The following PDSS2 variants were observed in gnomAD, a reference collection of about 807,000 sequenced individuals.
PDSS2 encodes the protein all trans-polyprenyl-diphosphate synthase PDSS2.
A neutral mutation model predicts 44.5 loss-of-function variants in PDSS2; 31 were observed. The observed-to-expected ratio is 0.70, with a 90% confidence interval of 0.52 to 0.94. PDSS2 has a LOEUF of 0.94. PDSS2 is among the 40% of genes least tolerant of loss of function. The pLI, the probability that PDSS2 is intolerant of heterozygous loss-of-function variation, is 0.00. For synonymous variants in PDSS2, 157 were observed against 180.3 expected, an observed-to-expected ratio of 0.87 and a Z score of 1.03; for missense variants, 452 against 482.2, an observed-to-expected ratio of 0.94 and a Z score of 0.59.
chr6:107,259,989 C>T (rs1007133520), intron 3 of PDSS2, among the ~76,000 whole-genome samples: 2 of 152,188 alleles, frequency 1.3e-5, no homozygotes, highest in Non-Finnish European at 2.9e-5. Context: ...CCTGACTTTA[C>T]ACCCTGAAAA....
chr6:107,302,201 T>C (rs1175181342), intron 2 of PDSS2, among the ~76,000 whole-genome samples: 1 of 152,026 alleles, frequency 6.6e-6, no homozygotes, highest in African/African-American at 2.4e-5. Flanking sequence ...TCATGCACGG[T>C]AGTAAGAGTA....
chr6:107,181,094 C>G (rs1771959438), intron 7 of PDSS2, among the ~76,000 whole-genome samples: 3 of 152,194 alleles, frequency 2.0e-5, no homozygotes, highest in African/African-American at 7.2e-5. Flanking sequence ...ATCCACCCAC[C>G]TTGGCCTCCC....
chr6:107,458,315 A>T (rs1402760614), intron 1 of PDSS2, among the ~76,000 whole-genome samples: 1 of 151,402 alleles, frequency 6.6e-6, no homozygotes, highest in Non-Finnish European at 1.5e-5. Context: ...GAAACCCCGT[A>T]TCTACTAAAA....
chr6:107,307,470 A>C (rs575634529), intron 2 of PDSS2, among the ~76,000 whole-genome samples: 1 of 152,200 alleles, frequency 6.6e-6, no homozygotes, highest in South Asian at 2.1e-4. Flanking sequence ...GGGTACTTGA[A>C]GCTCATCTGA....
At chr6:107,172,131 C>T (rs1409073365) in intron 7 of PDSS2, among the ~76,000 whole-genome samples, 1 of 152,082 alleles carries the variant, frequency 6.6e-6, no homozygotes, top group African/African-American at 2.4e-5. Context: ...AAGATATTAA[C>T]AAAGAGAGAA....
intron 4 of PDSS2, among the ~76,000 whole-genome samples, chr6:107,214,966 T>A (rs554692070): frequency 6.6e-6 from 1 of 152,248 alleles, no homozygotes. Flanking sequence ...ATTCCACTTA[T>A]GGCAATGGTT....
At chr6:107,352,699 T>C (rs1325016977) in intron 1 of PDSS2, among the ~76,000 whole-genome samples, 1 of 152,214 alleles carries the variant, frequency 6.6e-6, no homozygotes. Context: ...GAAGTGGTTC[T>C]TAACTCGGGT....
Position 107,334,199 on chromosome 6 carries a change from A to G in PDSS2, c.430T>C (p.Cys144Arg), listed in dbSNP as rs1207608920. The change falls in exon 2 of 8, where the codon TGT (cysteine) becomes CGT (arginine). Residue 144 changes from cysteine to arginine, a missense_variant and splice_region_variant. Cys to Arg is a radical substitution (Grantham distance 180). Transcript: ENST00000369037. Reference protein sequence around the residue: ...NYDMVSGIYSCQRSLAEITEL... With the variant: ...NYDMVSGIYSRQRSLAEITEL... ...GTCAAAAGACTAAATTCTTCTTACC[A>G]TGAGTAGATCCCACTGACCATGTCA... is the stretch of plus-strand genomic sequence containing the variant. 1 of 1,613,750 alleles carries G rather than the reference A, an allele frequency of 6.2e-7. No homozygotes were observed. The highest frequency in any genetic ancestry group is 8.5e-7 in the Non-Finnish European group (1 of 1,179,762).
At chr6:107,358,626 G>A (rs1435666108) in intron 1 of PDSS2, among the ~76,000 whole-genome samples, 1 of 152,124 alleles carries the variant, frequency 6.6e-6, no homozygotes, top group Non-Finnish European at 1.5e-5. Context: ...TGAAAAATTT[G>A]AGACTGAGGA....
intron 1 of PDSS2, among the ~76,000 whole-genome samples, chr6:107,343,446 A>C (rs1315036610): frequency 6.6e-6 from 1 of 152,198 alleles, no homozygotes; most frequent in African/African-American, 2.4e-5. Flanking sequence ...TTTTTGAAAA[A>C]CAGTGTTTTA....
chr6:107,283,360 CCAG>C (rs1174222158), intron 2 of PDSS2, among the ~76,000 whole-genome samples: 1 of 151,510 alleles, frequency 6.6e-6, no homozygotes, highest in Non-Finnish European at 1.5e-5. Flanking sequence ...AAAAAACCCA[CCAG>C]AATCGTTCCT....
At chr6:107,372,205 T>C (rs1779146180) in intron 1 of PDSS2, among the ~76,000 whole-genome samples, 1 of 152,166 alleles carries the variant, frequency 6.6e-6, no homozygotes, top group Non-Finnish European at 1.5e-5. Flanking sequence ...CAGGCAAAGA[T>C]TTTAGCAGGT....
chr6:107,405,115 T>C (rs1454115872), intron 1 of PDSS2, among the ~76,000 whole-genome samples: 2 of 151,656 alleles, frequency 1.3e-5, no homozygotes, highest in East Asian at 1.9e-4. Context: ...GCAGAAGAGA[T>C]TGGGATTCTA....
At chr6:107,283,513 G>T (rs1776040409) in intron 2 of PDSS2, among the ~76,000 whole-genome samples, 1 of 151,980 alleles carries the variant, frequency 6.6e-6, no homozygotes, top group Non-Finnish European at 1.5e-5. Flanking sequence ...TGGAGGTTGG[G>T]AGTTCGACAC....
chr6:107,309,311 G>A (rs1297479691), intron 2 of PDSS2, among the ~76,000 whole-genome samples: 2 of 152,306 alleles, frequency 1.3e-5, no homozygotes, highest in South Asian at 2.1e-4. Flanking sequence ...CCGTAACAGA[G>A]TTAACTCAGT....
chr6:107,227,306 T>TTTTTTTTTTTTTC (rs1773866999), intron 4 of PDSS2, among the ~76,000 whole-genome samples: 1 of 132,782 alleles, frequency 7.5e-6, no homozygotes. Flanking sequence ...TTTTTTTTTT[T>TTTTTTTTTTTTTC]GAGACAGAGT....
At chr6:107,279,957 A>G (rs1775906469) in intron 2 of PDSS2, among the ~76,000 whole-genome samples, 1 of 152,214 alleles carries the variant, frequency 6.6e-6, no homozygotes, top group Admixed American at 6.5e-5. Context: ...ACCCAAAGCA[A>G]TCTATTAAAC....
At chr6:107,225,472 C>G (rs2114705275) in intron 4 of PDSS2, among the ~76,000 whole-genome samples, 1 of 151,880 alleles carries the variant, frequency 6.6e-6, no homozygotes. Flanking sequence ...CTTTTATAAC[C>G]TAATCTTGGA....
At chr6:107,441,338 T>C (rs989250606) in intron 1 of PDSS2, among the ~76,000 whole-genome samples, 5 of 152,238 alleles carry the variant, frequency 3.3e-5, no homozygotes, top group Admixed American at 6.5e-5. Context: ...TAATCTCTTA[T>C]ACCTGAATAA....
Sources: allele counts gnomAD v4.1 joint callset (sites outside exome capture counted in the v4.1 genomes callset), GRCh38; gene constraint gnomAD v4.1.1; transcripts MANE v1.5; gene names NCBI Gene and HGNC (gene_info 2026-07-23, HGNC 2026-07-21).